Variants in EGFR observed in about 807,000 individuals in gnomAD.
EGFR encodes avian erythroblastic leukemia viral (v-erb-b) oncogene homolog.
EGFR carries 58 observed loss-of-function variants against 143.0 expected under a neutral mutation model. The ratio of observed to expected loss-of-function variants is 0.41; its 90% CI spans 0.33 to 0.50. The LOEUF (loss-of-function observed/expected upper bound fraction) is 0.50, where lower values mean the gene tolerates loss of function less well. Among genes scored for constraint, EGFR ranks in the 20% least tolerant of loss-of-function variants. The pLI, the probability that EGFR is intolerant of heterozygous loss-of-function variation, is 0.39. For missense variants in EGFR, 1,307 were observed against 1,579.0 expected (o/e 0.83, Z 2.92); for synonymous variants, 613 against 594.4 (o/e 1.03, Z -0.45).
intron 1 of EGFR, among the ~76,000 whole-genome samples, chr7:55,069,802 G>A (rs1789716583): frequency 6.6e-6 from 1 of 152,148 alleles, no homozygotes; most frequent in Non-Finnish European, 1.5e-5. Context: ...ATCCTTACAA[G>A]GAACCCCCAT....
At chr7:55,101,930 G>C (rs1371895424) in intron 1 of EGFR, among the ~76,000 whole-genome samples, 1 of 152,140 alleles carries the variant, frequency 6.6e-6, no homozygotes, top group Non-Finnish European at 1.5e-5. Flanking sequence ...AGAAGCCTTG[G>C]ATCACGTGGT....
chr7:55,046,097 C>G (rs1275958928), intron 1 of EGFR, among the ~76,000 whole-genome samples: 1 of 152,066 alleles, frequency 6.6e-6, no homozygotes, highest in African/African-American at 2.4e-5. Context: ...ATGTATGCAT[C>G]TCGTATTACA....
intron 1 of EGFR, among the ~76,000 whole-genome samples, chr7:55,037,278 T>C (rs10227366): frequency 1.1e-4 from 16 of 152,340 alleles, no homozygotes; most frequent in African/African-American, 3.8e-4. Context: ...GAAAAGCTGC[T>C]GGGTACAGGG....
rs1413341617 is a variant in EGFR at position 55,106,400 on chromosome 7, G to A, written c.89-35886G>A. On this transcript the variant is annotated intron_variant, in intron 1 of 27. Coordinates refer to ENST00000275493, the MANE Select transcript of EGFR (RefSeq NM_005228.5). ...AACCCTAGTAAGTCCCTCCAGTGGG[G>A]CAAGCCCACCTTTTCCCTTCATTCT... 2.0e-5 allele frequency among the ~76,000 whole-genome samples: 3 copies of A among 152,216 alleles called. No individual in the cohort carries two copies. In the East Asian group the frequency reaches 5.8e-4, roughly 29 times the overall value.
intron 20 of EGFR, among the ~76,000 whole-genome samples, chr7:55,190,906 G>T (rs1218908776): frequency 6.6e-6 from 1 of 152,188 alleles, no homozygotes; most frequent in Admixed American, 6.5e-5. Flanking sequence ...CAGCAAGGTA[G>T]GCATCCGTCA....
intron 2 of EGFR, 86 bp downstream of exon 2, chr7:55,142,523 G>A: frequency 6.5e-7 from 1 of 1,548,802 alleles, no homozygotes; most frequent in Non-Finnish European, 8.8e-7. Flanking sequence ...CTTGAAGTGT[G>A]TTTATTTTTG....
intron 1 of EGFR, among the ~76,000 whole-genome samples, chr7:55,046,838 G>A (rs1184419609): frequency 6.6e-6 from 1 of 152,114 alleles, no homozygotes; most frequent in African/African-American, 2.4e-5. Flanking sequence ...CATGAGTTTT[G>A]GAAGGGACAT....
In EGFR at chr7:55,096,120, T is replaced by C. The variant is rs570368415; in HGVS notation, c.89-46166T>C. Reference sequence around the variant, plus strand: ...TGAAAGAAGCCTTGTTTTTCTCCACTTTTTATAGAAGAGAAAGTGAAGATT... The same window carrying C: ...TGAAAGAAGCCTTGTTTTTCTCCACCTTTTATAGAAGAGAAAGTGAAGATT... On this transcript the variant is annotated intron_variant, in intron 1 of 27. Transcript: ENST00000275493. Among the ~76,000 whole-genome samples, 17 of 152,342 alleles carry C rather than the reference T, an allele frequency of 1.1e-4. No homozygotes were observed. The South Asian group carries it at 3.3e-3, about 30-fold the overall frequency.
rs555062538 is a variant in EGFR, at chr7:55,163,952, G to A, written c.1722+129G>A. The A allele has an allele frequency of 1.5e-4, 151 of 1,008,788 alleles. 3 individuals carry two copies. The South Asian group carries it at 1.6e-3, about 11-fold the overall frequency. 62.5% of individuals were successfully genotyped at this position (1,008,788 alleles called of 1,614,324 possible). On this transcript the variant is annotated intron_variant, in intron 14 of 27. Coordinates refer to ENST00000275493, the MANE Select transcript of EGFR (RefSeq NM_005228.5). ...ATCAGAGCCACTTCCCAGAGGAGAC[G>A]GCAGGCGCTGACAGCGCTGTCCGGG... is the stretch of plus-strand genomic sequence containing the variant.
chr7:55,035,167 G>A (rs756052831), intron 1 of EGFR, among the ~76,000 whole-genome samples: 1 of 152,150 alleles, frequency 6.6e-6, no homozygotes, highest in African/African-American at 2.4e-5. Flanking sequence ...TTAGGTGTTA[G>A]GAACAGGGAA....
At chr7:55,171,246 T>G (rs1293837978) in intron 16 of EGFR, 33 bp downstream of exon 16, 1 of 1,613,950 alleles carries the variant, frequency 6.2e-7, no homozygotes, top group South Asian at 1.1e-5. Context: ...CACATGGACC[T>G]CGTCAAGAAT....
intron 1 of EGFR, among the ~76,000 whole-genome samples, chr7:55,067,193 G>A (rs1367525170): frequency 6.6e-6 from 1 of 151,954 alleles, no homozygotes; most frequent in Non-Finnish European, 1.5e-5. Flanking sequence ...AGAAAGGTCA[G>A]CAAAGGATTT....
rs752146991 is a variant in EGFR, at chr7:55,201,363, A to G, written c.3114+8A>G. 8 of 1,613,984 alleles carry G rather than the reference A, an allele frequency of 5.0e-6. No individual in the cohort carries two copies. In the South Asian group the frequency reaches 8.8e-5, roughly 18 times the overall value. The stretch of plus-strand genomic sequence containing the variant: ...CCCCTCCTGAGCTCTCTGGTATGAA[A>G]TCTCTGTCTCTCTCTCTCTCTCAAG... On this transcript the variant is annotated splice_region_variant and intron_variant, in intron 25 of 27. Coordinates refer to ENST00000275493, the MANE Select transcript of EGFR (RefSeq NM_005228.5).
intron 1 of EGFR, among the ~76,000 whole-genome samples, chr7:55,141,802 A>G (rs1463360715): frequency 1.3e-5 from 2 of 152,196 alleles, no homozygotes; most frequent in Non-Finnish European, 2.9e-5. Context: ...TTGAGAAGTA[A>G]AAAGTTCATT....
chr7:55,070,981 C>T (rs894797724), intron 1 of EGFR, among the ~76,000 whole-genome samples: 18 of 152,206 alleles, frequency 1.2e-4, no homozygotes, highest in African/African-American at 1.7e-4. Context: ...CACATCCCAC[C>T]GGCTGTTTCA....
chr7:55,046,224 C>T (rs1021178974), intron 1 of EGFR, among the ~76,000 whole-genome samples: 57 of 152,194 alleles, frequency 3.7e-4, no homozygotes, highest in African/African-American at 1.3e-3. Context: ...TCCTCTACTT[C>T]CAGCCCTTGG....
At chr7:55,122,613 C>T (rs1205534118) in intron 1 of EGFR, among the ~76,000 whole-genome samples, 1 of 152,270 alleles carries the variant, frequency 6.6e-6, no homozygotes, top group Non-Finnish European at 1.5e-5. Flanking sequence ...GCTGCCTCCC[C>T]TCTCTGTGCC....
rs752049412 is a variant in EGFR at position 55,209,761 on chromosome 7, G to A, written c.*4144G>A. 6 of 152,184 alleles carry A rather than the reference G, an allele frequency of 3.9e-5. No individual in the cohort carries two copies. The highest frequency in any genetic ancestry group is 2.9e-5 in the Non-Finnish European group (2 of 68,018). The allele number at this position is 152,184 out of a possible 1,614,324, so 9.4% of individuals were successfully genotyped here. A position where few individuals can be genotyped will look rare whatever the true frequency, so the allele number is the denominator to read the frequency against. On this transcript the variant is annotated 3_prime_UTR_variant, in exon 28 of 28. Coordinates refer to ENST00000275493, the MANE Select transcript of EGFR (RefSeq NM_005228.5). ...AAATCTATTTTTGTAACTTTGTTGCGGGATATAGTTCTCTTTATGTAGCAC... is the reference window on the plus strand; with the variant it reads ...AAATCTATTTTTGTAACTTTGTTGCAGGATATAGTTCTCTTTATGTAGCAC...
At chr7:55,052,062 G>T (rs1346580739) in intron 1 of EGFR, among the ~76,000 whole-genome samples, 2 of 152,170 alleles carry the variant, frequency 1.3e-5, no homozygotes, top group Non-Finnish European at 2.9e-5. Context: ...AAATCCACAG[G>T]GTGGAGGATG....
Sources: allele counts gnomAD v4.1 joint callset (sites outside exome capture counted in the v4.1 genomes callset), GRCh38; gene constraint gnomAD v4.1.1; transcripts MANE v1.5; gene names NCBI Gene and HGNC (gene_info 2026-07-23, HGNC 2026-07-21).